SLC7A2: variants seen among roughly 807,000 people sequenced by gnomAD.
SLC7A2 encodes the protein solute carrier family 7 member 2.
In SLC7A2, 48 loss-of-function variants were observed where a neutral mutation model predicts 58.9. The ratio of observed to expected loss-of-function variants is 0.82; its 90% CI spans 0.65 to 1.04. The LOEUF is 1.04. Ranked by LOEUF, SLC7A2 falls within the 50% of genes least tolerant of loss-of-function variation. The pLI is 0.00. For synonymous variants in SLC7A2, 363 were observed against 314.5 expected, an observed-to-expected ratio of 1.15 and a Z score of -1.63; for missense variants, 1,029 against 818.8, an observed-to-expected ratio of 1.26 and a Z score of -3.13.
chr8:17,543,506 C>A lies in SLC7A2; in HGVS notation c.167C>A (p.Ala56Asp). 6.2e-7 allele frequency: 1 copy of A among 1,613,960 alleles called. No individual in the cohort carries two copies. Among genetic ancestry groups the A allele is most frequent in the Non-Finnish European group, 8.5e-7 (1 of 1,179,944 alleles). ...CTTGGGGCCGGGGTTTATGTCCTCGCTGGGGAGGTGGCCAAGGCAGACTCG... is the reference window on the plus strand; with the variant it reads ...CTTGGGGCCGGGGTTTATGTCCTCGATGGGGAGGTGGCCAAGGCAGACTCG... ...STLGAGVYVL[A>D]GEVAKADSGP... The change falls in exon 3 of 13, where the codon GCT (alanine) becomes GAT (aspartate). Residue 56 changes from alanine to aspartate, a missense_variant. Ala to Asp is a moderately radical substitution (Grantham distance 126, BLOSUM62 -2). Transcript: ENST00000494857.
chr8:17,535,138 C>T (rs1201443835), intron 2 of SLC7A2, among the ~76,000 whole-genome samples: 1 of 152,124 alleles, frequency 6.6e-6, no homozygotes, highest in African/African-American at 2.4e-5. Flanking sequence ...CCACCAGGGT[C>T]AAGTTCAAGC....
chr8:17,535,147 G>T (rs1801611243), intron 2 of SLC7A2, among the ~76,000 whole-genome samples: 1 of 152,106 alleles, frequency 6.6e-6, no homozygotes, highest in African/African-American at 2.4e-5. Flanking sequence ...TCAAGTTCAA[G>T]CTCCTTGCAT....
chr8:17,550,931 G>A (rs958324324), intron 6 of SLC7A2, among the ~76,000 whole-genome samples: 2 of 152,146 alleles, frequency 1.3e-5, no homozygotes, highest in African/African-American at 2.4e-5. Context: ...TCATAGTGTG[G>A]CCATACAATT....
intron 1 of SLC7A2, among the ~76,000 whole-genome samples, chr8:17,501,577 G>A (rs564307955): frequency 9.2e-5 from 14 of 152,132 alleles, no homozygotes; most frequent in East Asian, 1.9e-4. Flanking sequence ...TGGATGTGAT[G>A]TGTTGTGGAA....
chr8:17,560,573 G>C lies in SLC7A2; in HGVS notation c.1504+40G>C, dbSNP rs1160841376. 5.9e-6 allele frequency: 9 copies of C among 1,518,282 alleles called. No homozygotes were observed. In the East Asian group the frequency reaches 1.6e-4, roughly 27 times the overall value. The allele number at this position is 1,518,282 out of a possible 1,614,324, so 94.1% of individuals were successfully genotyped here. A position where few individuals can be genotyped will look rare whatever the true frequency, so the allele number is the denominator to read the frequency against. Reference sequence around the variant, plus strand: ...CTGCTTACATTGTACAGACCCAGAAGATGTGTGTGAGTAGAGCTGGCATGA... The same window carrying C: ...CTGCTTACATTGTACAGACCCAGAACATGTGTGTGAGTAGAGCTGGCATGA... On this transcript the variant is annotated intron_variant, in intron 10 of 12. Coordinates refer to ENST00000494857, the MANE Select transcript of SLC7A2 (RefSeq NM_001370338.1).
intron 8 of SLC7A2, chr8:17,555,222 T>G: frequency 2.7e-6 from 2 of 749,030 alleles, no homozygotes; most frequent in Non-Finnish European, 4.2e-6. Flanking sequence ...TATACAAGCA[T>G]TGGGATTAAC....
Position 17,554,416 on chromosome 8 carries a change from A to T in SLC7A2, c.1056-144A>T, listed in dbSNP as rs1019549324. ...TGCCCTATCATAGTGCATTTAAAAA[A>T]TAATGACATAATTATTAATATAAAT... On this transcript the variant is annotated intron_variant, in intron 7 of 12. Coordinates refer to ENST00000494857, the MANE Select transcript of SLC7A2 (RefSeq NM_001370338.1). 21 of 631,806 alleles carry T rather than the reference A, an allele frequency of 3.3e-5. No homozygotes were observed. In the Admixed American group the frequency reaches 7.3e-4, roughly 22 times the overall value. 39.1% of individuals were successfully genotyped at this position (631,806 alleles called of 1,614,324 possible).
intron 2 of SLC7A2, among the ~76,000 whole-genome samples, chr8:17,505,447 G>C (rs1401730916): frequency 6.6e-6 from 1 of 152,124 alleles, no homozygotes; most frequent in Non-Finnish European, 1.5e-5. Flanking sequence ...AGTCACAGAG[G>C]TATGACAGTA....
intron 2 of SLC7A2, chr8:17,538,927 G>A (rs746904741): frequency 4.3e-6 from 7 of 1,611,148 alleles, no homozygotes; most frequent in African/African-American, 2.7e-5. Context: ...TCTCCTGTAA[G>A]ATTTATTGTC....
intron 2 of SLC7A2, among the ~76,000 whole-genome samples, chr8:17,537,238 G>T (rs1358985963): frequency 1.3e-5 from 2 of 152,074 alleles, no homozygotes; most frequent in Non-Finnish European, 2.9e-5. Flanking sequence ...TGTATTTTTA[G>T]TAGAGATGGG....
intron 2 of SLC7A2, among the ~76,000 whole-genome samples, chr8:17,518,166 C>T (rs1800874439): frequency 6.6e-6 from 1 of 151,232 alleles, no homozygotes; most frequent in Admixed American, 6.6e-5. Flanking sequence ...CTTTGAATTA[C>T]TTTTTCTCCC....
At chr8:17,528,454 G>A (rs1397475907) in intron 2 of SLC7A2, among the ~76,000 whole-genome samples, 1 of 151,890 alleles carries the variant, frequency 6.6e-6, no homozygotes, top group Non-Finnish European at 1.5e-5. Flanking sequence ...GCATGATTAT[G>A]GCTCACTGCA....
At chr8:17,521,538 T>A (rs1004571116) in intron 2 of SLC7A2, among the ~76,000 whole-genome samples, 1 of 152,226 alleles carries the variant, frequency 6.6e-6, no homozygotes, top group African/African-American at 2.4e-5. Context: ...ATCCATCAAG[T>A]GCTTCTGGAA....
At chr8:17,529,476 C>T (rs1251282969) in intron 2 of SLC7A2, among the ~76,000 whole-genome samples, 1 of 151,686 alleles carries the variant, frequency 6.6e-6, no homozygotes, top group Admixed American at 6.6e-5. Flanking sequence ...ACCCAAGTGC[C>T]ATGGGGCTCA....
At position 17,568,551 on chromosome 8, in the gene SLC7A2, G is replaced by A. The variant is rs1033898864; in HGVS notation, c.*3405G>A. The stretch of plus-strand genomic sequence containing the variant: ...AGAATTACCCTCCTTTAAAAAATAA[G>A]AGACTATTTGTTTTCTTTTAATTTC... On this transcript the variant is annotated 3_prime_UTR_variant, in exon 13 of 13. Transcript: ENST00000494857. 3.3e-5 allele frequency: 5 copies of A among 151,958 alleles called. No homozygotes were observed. The highest frequency in any genetic ancestry group is 1.2e-4 in the African/African-American group (5 of 41,398). 9.4% of individuals were successfully genotyped at this position (151,958 alleles called of 1,614,324 possible). A position where few individuals can be genotyped will look rare whatever the true frequency, so the allele number is the denominator to read the frequency against.
chr8:17,563,070 G>A (rs1803096260), intron 11 of SLC7A2, among the ~76,000 whole-genome samples: 1 of 152,180 alleles, frequency 6.6e-6, no homozygotes, highest in Admixed American at 6.5e-5. Context: ...TGGAACCCAG[G>A]AGTTCAAGGC....
At chr8:17,560,554 A>G (rs777348018) in intron 10 of SLC7A2, 21 bp downstream of exon 10, 4 of 1,586,120 alleles carry the variant, frequency 2.5e-6, no homozygotes, top group East Asian at 2.2e-5. Flanking sequence ...TTCTCTGCTT[A>G]CATTGTACAG....
At chr8:17,540,135 C>T (rs912797857) in intron 2 of SLC7A2, among the ~76,000 whole-genome samples, 4 of 152,156 alleles carry the variant, frequency 2.6e-5, no homozygotes, top group African/African-American at 4.8e-5. Flanking sequence ...CTGCATGATA[C>T]ACCTGCTAGG....
At chr8:17,531,177 G>C (rs938332061) in intron 2 of SLC7A2, among the ~76,000 whole-genome samples, 3 of 152,180 alleles carry the variant, frequency 2.0e-5, no homozygotes, top group African/African-American at 7.2e-5. Flanking sequence ...TGAAAGACCT[G>C]AAGGTCAGAT....
Sources: gnomAD v4.1 joint callset for allele counts (sites outside exome capture counted in the v4.1 genomes callset) on GRCh38, gnomAD v4.1.1 for gene constraint, MANE v1.5 for transcripts, NCBI Gene and HGNC (gene_info 2026-07-23, HGNC 2026-07-21) for gene names.